Variants in DGKB observed in about 807,000 individuals in gnomAD.
DGKB encodes the protein 90 kDa diacylglycerol kinase.
DGKB carries 67 observed loss-of-function variants against 114.3 expected under a neutral mutation model. The observed-to-expected ratio is 0.59, with a 90% CI of 0.48 to 0.72. The LOEUF (loss-of-function observed/expected upper bound fraction) is 0.72. Among genes scored for constraint, DGKB ranks in the 30% least tolerant of loss-of-function variants. The probability of loss-of-function intolerance (pLI) is 0.00; values close to 1 mark genes in which losing one functional copy is unlikely to be tolerated. For synonymous variants in DGKB, 398 were observed against 323.1 expected (o/e 1.23, Z -2.49); for missense variants, 907 against 975.2 (o/e 0.93, Z 0.93).
intron 21 of DGKB, among the ~76,000 whole-genome samples, chr7:14,376,415 G>A (rs1402190904): frequency 6.6e-6 from 1 of 152,116 alleles, no homozygotes; most frequent in Non-Finnish European, 1.5e-5. Flanking sequence ...TATAGAAACA[G>A]ATGTATACTC....
intron 13 of DGKB, among the ~76,000 whole-genome samples, chr7:14,635,709 G>A (rs13235991): frequency 0.46 from 70,296 of 151,200 alleles, 17,472 homozygotes; most frequent in Non-Finnish European, 0.56. Flanking sequence ...GATTATGTTT[G>A]TGTATGTTTG....
intron 23 of DGKB, among the ~76,000 whole-genome samples, chr7:14,268,195 A>ACC (rs1797782856): frequency 6.9e-6 from 1 of 144,538 alleles, no homozygotes; most frequent in East Asian, 2.0e-4. Flanking sequence ...AATCACACAC[A>ACC]CCCATAGTCA....
intron 6 of DGKB, among the ~76,000 whole-genome samples, chr7:14,706,399 C>T (rs1288836780): frequency 6.8e-6 from 1 of 147,016 alleles, no homozygotes; most frequent in Non-Finnish European, 1.5e-5. Flanking sequence ...CAACATTAGA[C>T]AGATCAACGA....
chr7:14,929,245 A>G (rs904131857), intron 1 of DGKB, among the ~76,000 whole-genome samples: 2 of 152,072 alleles, frequency 1.3e-5, no homozygotes, highest in African/African-American at 2.4e-5. Context: ...TTGGGTAGAT[A>G]ACCAATAGTG....
intron 5 of DGKB, among the ~76,000 whole-genome samples, chr7:14,719,830 C>T (rs1828844483): frequency 6.6e-6 from 1 of 152,098 alleles, no homozygotes; most frequent in Non-Finnish European, 1.5e-5. Context: ...TTACTGAGTG[C>T]CTAATATGTG....
chr7:14,371,960 C>T (rs951094240), intron 21 of DGKB, among the ~76,000 whole-genome samples: 1 of 152,132 alleles, frequency 6.6e-6, no homozygotes, highest in Admixed American at 6.6e-5. Context: ...GCTGCTGGGT[C>T]TCCAAAGAAT....
At chr7:14,745,139 A>T (rs1833085949) in intron 4 of DGKB, among the ~76,000 whole-genome samples, 1 of 152,076 alleles carries the variant, frequency 6.6e-6, no homozygotes, top group African/African-American at 2.4e-5. Flanking sequence ...CAGCCTTGGG[A>T]TTTTTCAGCT....
At chr7:14,167,860 T>G (rs541482099) in intron 25 of DGKB, among the ~76,000 whole-genome samples, 2 of 152,160 alleles carry the variant, frequency 1.3e-5, no homozygotes, top group Admixed American at 1.3e-4. Flanking sequence ...CCTGTGAGAA[T>G]TGAAAATACC....
chr7:14,832,551 G>A (rs1370525156), intron 2 of DGKB, among the ~76,000 whole-genome samples: 1 of 151,886 alleles, frequency 6.6e-6, no homozygotes, highest in Non-Finnish European at 1.5e-5. Flanking sequence ...AATCACCAGT[G>A]GCATTCTAAA....
chr7:14,255,540 G>T (rs187808754), intron 23 of DGKB, among the ~76,000 whole-genome samples: 237 of 152,180 alleles, frequency 1.6e-3, no homozygotes, highest in Non-Finnish European at 2.7e-3. Context: ...GAGATTACTT[G>T]GTCACCTGTA....
intron 23 of DGKB, among the ~76,000 whole-genome samples, chr7:14,300,386 C>G (rs1803321071): frequency 6.6e-6 from 1 of 152,066 alleles, no homozygotes; most frequent in Admixed American, 6.6e-5. Context: ...AACTGTGCAA[C>G]TGGAACAACC....
intron 21 of DGKB, among the ~76,000 whole-genome samples, chr7:14,367,046 C>T (rs1583440222): frequency 6.6e-6 from 1 of 152,178 alleles, no homozygotes; most frequent in South Asian, 2.1e-4. Context: ...GAATTTTGAT[C>T]CTTTCCCAGG....
chr7:14,795,800 C>T lies in DGKB; in HGVS notation c.71-38069G>A, dbSNP rs73068699. 1.6e-3 allele frequency among the ~76,000 whole-genome samples: 240 copies of T among 152,080 alleles called. 1 individual carries two copies. In the Middle Eastern group the frequency reaches 0.02, roughly 13 times the overall value. ...GCTTACTGATTATGGCATTTCTAGACGTGAAATAGAAAATCTGTCAAATTG... is the reference window on the plus strand; with the variant it reads ...GCTTACTGATTATGGCATTTCTAGATGTGAAATAGAAAATCTGTCAAATTG... On this transcript the variant is annotated intron_variant, in intron 2 of 25. Transcript: ENST00000402815.
At chr7:14,863,862 G>A (rs1360898834) in intron 1 of DGKB, among the ~76,000 whole-genome samples, 1 of 152,030 alleles carries the variant, frequency 6.6e-6, no homozygotes, top group East Asian at 1.9e-4. Context: ...CACTTTGGGA[G>A]GCCTAGGAGG....
chr7:14,255,517 C>T (rs567634097), intron 23 of DGKB, among the ~76,000 whole-genome samples: 5 of 152,092 alleles, frequency 3.3e-5, no homozygotes, highest in African/African-American at 9.7e-5. Context: ...CTGTGAAACA[C>T]GAAGCACATC....
chr7:14,540,274 C>G (rs1008478618), intron 20 of DGKB, among the ~76,000 whole-genome samples: 2 of 151,936 alleles, frequency 1.3e-5, no homozygotes, highest in East Asian at 1.9e-4. Context: ...TTTAATGATG[C>G]CTTGGAAGCG....
chr7:14,684,059 C>G (rs557314004), intron 10 of DGKB, among the ~76,000 whole-genome samples: 3 of 152,082 alleles, frequency 2.0e-5, no homozygotes, highest in Non-Finnish European at 4.4e-5. Flanking sequence ...GGAGAATGTT[C>G]TAGTGTAACT....
intron 23 of DGKB, among the ~76,000 whole-genome samples, chr7:14,296,096 A>G (rs1313753645): frequency 2.0e-5 from 3 of 151,538 alleles, no homozygotes; most frequent in Non-Finnish European, 4.4e-5. Flanking sequence ...CAGAGGCACA[A>G]TCTCGGCACA....
chr7:14,803,031 G>A (rs1444492304), intron 2 of DGKB, among the ~76,000 whole-genome samples: 1 of 152,074 alleles, frequency 6.6e-6, no homozygotes. Context: ...TGAACTGGGA[G>A]TAGGTTGCAG....
Sources: allele counts gnomAD v4.1 joint callset (sites outside exome capture counted in the v4.1 genomes callset), GRCh38; gene constraint gnomAD v4.1.1; transcripts MANE v1.5; gene names NCBI Gene and HGNC (gene_info 2026-07-23, HGNC 2026-07-21).